The following C20orf203 variants were observed in gnomAD, a reference collection of about 807,000 sequenced individuals.
The protein encoded by C20orf203 is uncharacterized protein C20orf203.
Under a neutral mutation model 15.9 loss-of-function variants are expected in C20orf203, and 16 were observed. The observed-to-expected ratio is 1.01, with a 90% CI of 0.68 to 1.53. The LOEUF (loss-of-function observed/expected upper bound fraction) is 1.53. Ranked by LOEUF, C20orf203 falls within the 40% of genes most tolerant of loss-of-function variation. C20orf203 has a pLI of 0.00. For synonymous variants in C20orf203, 98 were observed against 97.2 expected (o/e 1.01, Z -0.05); for missense variants, 263 against 247.5 (o/e 1.06, Z -0.42).
At chr20:32,672,910 A>G (rs1008536619) in intron 1 of C20orf203, among the ~76,000 whole-genome samples, 1 of 152,128 alleles carries the variant, frequency 6.6e-6, no homozygotes, top group African/African-American at 2.4e-5. Flanking sequence ...CAGACCCAGC[A>G]TAGGAGAGGG....
chr20:32,668,368 G>A (rs1236409099), intron 1 of C20orf203, among the ~76,000 whole-genome samples: 1 of 152,144 alleles, frequency 6.6e-6, no homozygotes, highest in East Asian at 1.9e-4. Context: ...GCTCACATCT[G>A]TAATCTCAGC....
intron 1 of C20orf203, among the ~76,000 whole-genome samples, chr20:32,671,194 G>T (rs1983158179): frequency 6.6e-6 from 1 of 152,150 alleles, no homozygotes; most frequent in Non-Finnish European, 1.5e-5. Context: ...TTTTCCAAAA[G>T]AATTGAAATC....
chr20:32,673,569 C>T (rs1983225771), intron 1 of C20orf203, 63 bp downstream of exon 1: 2 of 152,562 alleles, frequency 1.3e-5, no homozygotes, highest in Admixed American at 6.5e-5. Flanking sequence ...TGGTCACCAT[C>T]CCCTGCTTAA....
At chr20:32,656,879 C>T (rs547978001) in intron 1 of C20orf203, 10 of 93,828 alleles carry the variant, frequency 1.1e-4, no homozygotes, top group Non-Finnish European at 2.2e-4. Flanking sequence ...AAAAATCTTA[C>T]ATGACTAGTC....
At position 32,633,958 on chromosome 20, in the gene C20orf203, C is replaced by T. The variant is rs1291979565; in HGVS notation, c.*1612G>A. 1 of 398,494 alleles carries T rather than the reference C, an allele frequency of 2.5e-6. No homozygotes were observed. Among genetic ancestry groups the T allele is most frequent in the Non-Finnish European group, 4.4e-6 (1 of 226,142 alleles). 24.7% of individuals were successfully genotyped at this position (398,494 alleles called of 1,614,324 possible). On this transcript the variant is annotated 3_prime_UTR_variant, in exon 6 of 6. Coordinates refer to ENST00000608990, the MANE Select transcript of C20orf203 (RefSeq NM_182584.4). ...TGATGCCTGAGCTTCAGCTTCCCCACTCCGGACTGTTTCATGCGTTCATTC... is the reference window on the plus strand; with the variant it reads ...TGATGCCTGAGCTTCAGCTTCCCCATTCCGGACTGTTTCATGCGTTCATTC...
chr20:32,653,724 C>T (rs1293080104), intron 1 of C20orf203, among the ~76,000 whole-genome samples: 3 of 152,122 alleles, frequency 2.0e-5, no homozygotes, highest in Non-Finnish European at 2.9e-5. Flanking sequence ...GGTACAATGG[C>T]AAGAAAATAA....
chr20:32,664,789 C>T (rs1003979429), intron 1 of C20orf203, among the ~76,000 whole-genome samples: 3 of 152,238 alleles, frequency 2.0e-5, no homozygotes, highest in African/African-American at 4.8e-5. Context: ...AGTCACAGGG[C>T]GTTGGGTGCC....
At chr20:32,662,896 A>C (rs1330697722) in intron 1 of C20orf203, among the ~76,000 whole-genome samples, 3 of 150,094 alleles carry the variant, frequency 2.0e-5, no homozygotes, top group Admixed American at 6.6e-5. Flanking sequence ...AAAAAAAAAA[A>C]AAAACAAGAA....
At chr20:32,666,559 C>T (rs946783574) in intron 1 of C20orf203, among the ~76,000 whole-genome samples, 2 of 150,586 alleles carry the variant, frequency 1.3e-5, no homozygotes, top group South Asian at 2.1e-4. Flanking sequence ...GTCAGGAGAT[C>T]GAGACCATCC....
intron 1 of C20orf203, among the ~76,000 whole-genome samples, chr20:32,662,974 A>G (rs1357765737): frequency 7.0e-6 from 1 of 142,414 alleles, no homozygotes; most frequent in Non-Finnish European, 1.5e-5. Context: ...TTTGAGACAG[A>G]GTCTCACTCT....
intron 1 of C20orf203, among the ~76,000 whole-genome samples, chr20:32,658,963 C>T (rs974813592): frequency 2.3e-4 from 35 of 152,098 alleles, no homozygotes; most frequent in African/African-American, 8.2e-4. Context: ...ACAACCTTCG[C>T]CTCCTGGGTT....
intron 1 of C20orf203, among the ~76,000 whole-genome samples, chr20:32,664,493 C>A (rs1982971946): frequency 6.6e-6 from 1 of 152,214 alleles, no homozygotes; most frequent in South Asian, 2.1e-4. Context: ...GAAGCTCCTG[C>A]CCTCCTCCTG....
chr20:32,648,804 GCA>G (rs1982518789), intron 4 of C20orf203, among the ~76,000 whole-genome samples: 2 of 152,062 alleles, frequency 1.3e-5, no homozygotes, highest in Admixed American at 6.6e-5. Context: ...CAGAAAAATT[GCA>G]CAGATAGTAC....
chr20:32,645,437 A>AT (rs1289432507), intron 4 of C20orf203, among the ~76,000 whole-genome samples: 2 of 151,992 alleles, frequency 1.3e-5, no homozygotes, highest in Non-Finnish European at 2.9e-5. Context: ...CAAAACCCCT[A>AT]TTCCTCTCCT....
Position 32,650,307 on chromosome 20 carries a change from G to T in C20orf203, c.*125C>A. On this transcript the variant is annotated 3_prime_UTR_variant, in exon 4 of 6. Coordinates refer to ENST00000608990, the MANE Select transcript of C20orf203 (RefSeq NM_182584.4). ...CCTTGAGGTTTCAGCTGGGCGTGCCGGGCCCATCCCCCACTCTGGGGAGCA... is the reference window on the plus strand; with the variant it reads ...CCTTGAGGTTTCAGCTGGGCGTGCCTGGCCCATCCCCCACTCTGGGGAGCA... 2 of 703,426 alleles carry T rather than the reference G, an allele frequency of 2.8e-6. No homozygotes were observed. The highest frequency in any genetic ancestry group is 4.8e-6 in the Non-Finnish European group (2 of 416,526). The allele number at this position is 703,426 out of a possible 1,614,324, so 43.6% of individuals were successfully genotyped here.
chr20:32,641,577 T>C (rs1982281815), intron 4 of C20orf203, among the ~76,000 whole-genome samples: 1 of 152,202 alleles, frequency 6.6e-6, no homozygotes, highest in South Asian at 2.1e-4. Context: ...TATCTTACAT[T>C]ACCATCAGCG....
At chr20:32,661,103 A>C (rs1252883864) in intron 1 of C20orf203, among the ~76,000 whole-genome samples, 1 of 152,104 alleles carries the variant, frequency 6.6e-6, no homozygotes, top group Non-Finnish European at 1.5e-5. Context: ...AGAGGGAGGA[A>C]AGAGACCCAC....
intron 1 of C20orf203, chr20:32,657,612 C>T (rs956539293): frequency 2.6e-5 from 4 of 151,648 alleles, no homozygotes; most frequent in South Asian, 2.1e-4. Context: ...TTACTAACAT[C>T]GATGAGGTCC....
chr20:32,669,820 T>G (rs574087139), intron 1 of C20orf203, among the ~76,000 whole-genome samples: 1 of 152,288 alleles, frequency 6.6e-6, no homozygotes, highest in Admixed American at 6.5e-5. Context: ...TACATCAACC[T>G]AAAAAGCTTC....
Sources: allele counts gnomAD v4.1 joint callset (sites outside exome capture counted in the v4.1 genomes callset), GRCh38; gene constraint gnomAD v4.1.1; transcripts MANE v1.5; gene names NCBI Gene and HGNC (gene_info 2026-07-23, HGNC 2026-07-21).